CCSER1: variants seen among roughly 807,000 people sequenced by gnomAD.
The protein encoded by CCSER1 is serine-rich coiled-coil domain-containing protein 1.
In CCSER1, 41 loss-of-function variants were observed where a neutral mutation model predicts 82.0. The observed-to-expected ratio is 0.50, with a 90% CI of 0.39 to 0.65. The LOEUF (loss-of-function observed/expected upper bound fraction) is 0.65. Ranked by LOEUF, CCSER1 falls within the 30% of genes least tolerant of loss-of-function variation. The pLI is 0.00. For synonymous variants in CCSER1, 414 were observed against 383.9 expected (o/e 1.08, Z -0.92); for missense variants, 1,119 against 1,064.2 (o/e 1.05, Z -0.72).
chr4:91,432,168 C>A (rs1017145732), intron 10 of CCSER1, among the ~76,000 whole-genome samples: 1 of 152,138 alleles, frequency 6.6e-6, no homozygotes, highest in African/African-American at 2.4e-5. Flanking sequence ...TCTTTGCCTT[C>A]CTCTGTGATT....
intron 5 of CCSER1, among the ~76,000 whole-genome samples, chr4:90,592,060 T>G (rs2148697058): frequency 6.6e-6 from 1 of 151,594 alleles, no homozygotes; most frequent in Admixed American, 6.6e-5. Context: ...GGACGGAGAG[T>G]GTTAGGACAA....
At chr4:90,704,699 C>T (rs997794723) in intron 6 of CCSER1, among the ~76,000 whole-genome samples, 4 of 152,170 alleles carry the variant, frequency 2.6e-5, no homozygotes, top group Admixed American at 2.0e-4. Context: ...CTTTGAACTT[C>T]TCTTCTCACT....
chr4:91,126,242 G>A (rs1727505792), intron 10 of CCSER1, among the ~76,000 whole-genome samples: 1 of 151,888 alleles, frequency 6.6e-6, no homozygotes, highest in Middle Eastern at 3.4e-3. Context: ...TGAGTAGGAG[G>A]CTACTTTTCA....
chr4:91,575,096 C>A (rs546595657), intron 10 of CCSER1, among the ~76,000 whole-genome samples: 2 of 150,864 alleles, frequency 1.3e-5, no homozygotes, highest in Admixed American at 6.6e-5. Context: ...CAAAGAAAAC[C>A]AAGAATACAC....
At position 91,217,919 on chromosome 4, in the gene CCSER1, C is replaced by T. The variant is rs577337890; in HGVS notation, c.2217+131925C>T. 1.4e-3 allele frequency among the ~76,000 whole-genome samples: 211 copies of T among 152,344 alleles called. 2 individuals are homozygous for T. The highest frequency in any genetic ancestry group is 3.4e-3 in the Middle Eastern group (1 of 294). On this transcript the variant is annotated intron_variant, in intron 10 of 10. Coordinates refer to ENST00000509176, the MANE Select transcript of CCSER1 (RefSeq NM_001145065.2). ...CCAGCTGGCTTCACCTAGTGGATCCCGCACCGGGGCTGCAGGTGGAGCTGC... is the reference window on the plus strand; with the variant it reads ...CCAGCTGGCTTCACCTAGTGGATCCTGCACCGGGGCTGCAGGTGGAGCTGC...
intron 10 of CCSER1, among the ~76,000 whole-genome samples, chr4:91,238,389 A>G (rs1199367265): frequency 1.3e-5 from 2 of 152,194 alleles, no homozygotes; most frequent in Non-Finnish European, 2.9e-5. Context: ...TTTCCCAAAG[A>G]CATGAGGATG....
intron 8 of CCSER1, among the ~76,000 whole-genome samples, chr4:90,860,848 G>A (rs62311126): frequency 0.074 from 11,263 of 151,644 alleles, 505 homozygotes; most frequent in Admixed American, 0.13. Context: ...GTGCTTGTCA[G>A]GGAATGGAGG....
At chr4:90,345,382 G>C (rs2153506998) in intron 3 of CCSER1, among the ~76,000 whole-genome samples, 1 of 152,182 alleles carries the variant, frequency 6.6e-6, no homozygotes, top group East Asian at 1.9e-4. Context: ...CATTTGGGAT[G>C]ACAAATGCTA....
At chr4:90,646,838 G>A (rs911982641) in intron 6 of CCSER1, among the ~76,000 whole-genome samples, 1 of 152,090 alleles carries the variant, frequency 6.6e-6, no homozygotes, top group African/African-American at 2.4e-5. Flanking sequence ...GGTAGTAGAA[G>A]TCTTGGCTTG....
rs373869882 is a variant in CCSER1 at position 91,129,181 on chromosome 4, C to T, written c.2217+43187C>T. Among the ~76,000 whole-genome samples, 34 of 152,100 alleles carry T rather than the reference C, an allele frequency of 2.2e-4. 2 individuals carry two copies. The East Asian group carries it at 6.0e-3, about 27-fold the overall frequency. On this transcript the variant is annotated intron_variant, in intron 10 of 10. Coordinates refer to ENST00000509176, the MANE Select transcript of CCSER1 (RefSeq NM_001145065.2). ...AAGAGCTTTGCCTAGAAATTTTACCCAGTAAAAAACTTCTGTCTGTGTTAG... is the reference window on the plus strand; with the variant it reads ...AAGAGCTTTGCCTAGAAATTTTACCTAGTAAAAAACTTCTGTCTGTGTTAG...
intron 8 of CCSER1, among the ~76,000 whole-genome samples, chr4:90,893,514 G>T (rs1723242489): frequency 6.6e-6 from 1 of 152,068 alleles, no homozygotes; most frequent in Admixed American, 6.6e-5. Context: ...GGGTGGGATG[G>T]CAAGAGGTAA....
chr4:90,934,768 C>A (rs1730714505), intron 9 of CCSER1, among the ~76,000 whole-genome samples: 1 of 151,944 alleles, frequency 6.6e-6, no homozygotes, highest in Non-Finnish European at 1.5e-5. Context: ...CCTGTCTCTA[C>A]TAATAATACA....
At chr4:90,877,143 A>G (rs1209307858) in intron 8 of CCSER1, among the ~76,000 whole-genome samples, 2 of 152,144 alleles carry the variant, frequency 1.3e-5, no homozygotes, top group African/African-American at 4.8e-5. Flanking sequence ...TGCTCACCAT[A>G]CATAAGTGCC....
chr4:90,920,118 C>T (rs150060182), intron 8 of CCSER1, among the ~76,000 whole-genome samples: 6 of 151,812 alleles, frequency 4.0e-5, no homozygotes, highest in East Asian at 1.9e-4. Flanking sequence ...AAGAAGGCCA[C>T]CTTAAATCAC....
intron 9 of CCSER1, among the ~76,000 whole-genome samples, chr4:91,064,164 T>C (rs2148746104): frequency 6.6e-6 from 1 of 152,300 alleles, no homozygotes. Context: ...TGTGTAACAT[T>C]GGGTTATTCA....
At chr4:91,195,197 C>T (rs1207463542) in intron 10 of CCSER1, among the ~76,000 whole-genome samples, 6 of 152,124 alleles carry the variant, frequency 3.9e-5, no homozygotes, top group African/African-American at 1.2e-4. Context: ...TGATTCAAAA[C>T]ATTGAAATGC....
intron 10 of CCSER1, among the ~76,000 whole-genome samples, chr4:91,150,295 T>A (rs1380304692): frequency 2.6e-5 from 4 of 152,228 alleles, no homozygotes; most frequent in African/African-American, 9.6e-5. Context: ...GTTGTTGCTG[T>A]ATAAAAATGC....
chr4:90,605,929 T>C (rs1053726069), intron 5 of CCSER1, among the ~76,000 whole-genome samples: 3 of 152,164 alleles, frequency 2.0e-5, no homozygotes, highest in African/African-American at 4.8e-5. Context: ...CAATAACATA[T>C]GCCAAATCAA....
chr4:91,422,375 C>G (rs959800742), intron 10 of CCSER1, among the ~76,000 whole-genome samples: 1 of 152,094 alleles, frequency 6.6e-6, no homozygotes, highest in Non-Finnish European at 1.5e-5. Flanking sequence ...CTGATGATTC[C>G]GGCTTAGACT....
Sources: allele counts gnomAD v4.1 joint callset (sites outside exome capture counted in the v4.1 genomes callset), GRCh38; gene constraint gnomAD v4.1.1; transcripts MANE v1.5; gene names NCBI Gene and HGNC (gene_info 2026-07-23, HGNC 2026-07-21).